The following ULK4 variants were observed in gnomAD, a reference collection of about 807,000 sequenced individuals.
ULK4 encodes inactive serine/threonine-protein kinase ULK4.
In ULK4, 133 loss-of-function variants were observed where a neutral mutation model predicts 160.6. The ratio of observed to expected loss-of-function variants is 0.83; its 90% CI spans 0.72 to 0.96. The LOEUF (loss-of-function observed/expected upper bound fraction) is 0.96, where lower values mean the gene tolerates loss of function less well. Among genes scored for constraint, ULK4 ranks in the 40% least tolerant of loss-of-function variants. The pLI is 0.00. For missense variants in ULK4, 1,580 were observed against 1,499.5 expected (o/e 1.05, Z -0.89); for synonymous variants, 534 against 539.8 (o/e 0.99, Z 0.15).
At chr3:41,862,787 G>A (rs1050379727) in intron 17 of ULK4, among the ~76,000 whole-genome samples, 8 of 106,800 alleles carry the variant, frequency 7.5e-5, no homozygotes, top group African/African-American at 1.8e-4. Context: ...CTCTCTCTCC[G>A]CTCCCCCCCC....
At chr3:41,327,776 T>A (rs575625088) in intron 35 of ULK4, among the ~76,000 whole-genome samples, 1 of 152,114 alleles carries the variant, frequency 6.6e-6, no homozygotes, top group South Asian at 2.1e-4. Context: ...TATAATAGCA[T>A]CAAGGCATAC....
intron 35 of ULK4, among the ~76,000 whole-genome samples, chr3:41,352,231 T>C (rs1243003845): frequency 6.6e-6 from 1 of 152,194 alleles, no homozygotes; most frequent in Admixed American, 6.5e-5. Context: ...AGAGGATGAC[T>C]GGTGCCCCTT....
intron 18 of ULK4, among the ~76,000 whole-genome samples, chr3:41,834,582 C>T (rs1009189989): frequency 6.6e-6 from 1 of 152,184 alleles, no homozygotes; most frequent in African/African-American, 2.4e-5. Context: ...TTTGCTGTAC[C>T]AGCTATCAGT....
chr3:41,434,819 T>A (rs962897127), intron 34 of ULK4, among the ~76,000 whole-genome samples: 1 of 152,230 alleles, frequency 6.6e-6, no homozygotes, highest in Non-Finnish European at 1.5e-5. Flanking sequence ...CTAGTGTTAA[T>A]GGTGAAAGTG....
chr3:41,721,270 T>C lies in ULK4; in HGVS notation c.2322-3409A>G, dbSNP rs1304087366. 3.8e-3 allele frequency among the ~76,000 whole-genome samples: 420 copies of C among 109,714 alleles called. 4 individuals carry two copies. Among genetic ancestry groups the C allele is most frequent in the African/African-American group, 0.016 (409 of 26,380 alleles). 72.0% of individuals were successfully genotyped at this position (109,714 alleles called of 152,430 possible). A position where few individuals can be genotyped will look rare whatever the true frequency, so the allele number is the denominator to read the frequency against. The stretch of plus-strand genomic sequence containing the variant: ...TTCGCTTTGAATTTTTTTTTTTTTT[T>C]TTTTTTTTTTTTTTGGGTTTTGAAC... On this transcript the variant is annotated intron_variant, in intron 22 of 36. Coordinates refer to ENST00000301831, the MANE Select transcript of ULK4 (RefSeq NM_017886.4).
chr3:41,808,340 C>A (rs954074622), intron 19 of ULK4, among the ~76,000 whole-genome samples: 6 of 152,132 alleles, frequency 3.9e-5, no homozygotes, highest in Non-Finnish European at 7.3e-5. Context: ...ATTCCTAGTA[C>A]TAGAAAACCA....
chr3:41,384,259 T>C (rs1161161479), intron 35 of ULK4, among the ~76,000 whole-genome samples: 1 of 151,662 alleles, frequency 6.6e-6, no homozygotes, highest in Non-Finnish European at 1.5e-5. Context: ...TACTCCAGAG[T>C]ATGAGATATT....
At chr3:41,317,522 T>C (rs970634580) in intron 35 of ULK4, among the ~76,000 whole-genome samples, 1 of 152,196 alleles carries the variant, frequency 6.6e-6, no homozygotes, top group African/African-American at 2.4e-5. Flanking sequence ...TTGATAATGA[T>C]AAATGATCTA....
intron 34 of ULK4, among the ~76,000 whole-genome samples, chr3:41,419,855 G>T (rs1200833001): frequency 6.6e-6 from 1 of 151,802 alleles, no homozygotes. Context: ...TCTTCCTGAG[G>T]CCAGGGGTGC....
At chr3:41,771,381 A>T (rs569574861) in intron 21 of ULK4, among the ~76,000 whole-genome samples, 196 of 152,332 alleles carry the variant, frequency 1.3e-3, no homozygotes, top group Admixed American at 2.5e-3. Context: ...GTGTTTTTGT[A>T]ATCAAATACA....
At chr3:41,782,492 C>A (rs984327760) in intron 21 of ULK4, among the ~76,000 whole-genome samples, 2 of 151,974 alleles carry the variant, frequency 1.3e-5, no homozygotes, top group African/African-American at 4.8e-5. Flanking sequence ...AAAAAGAAAA[C>A]CTTAGTTTAC....
At chr3:41,726,299 T>C (rs1266063568) in intron 22 of ULK4, among the ~76,000 whole-genome samples, 1 of 152,192 alleles carries the variant, frequency 6.6e-6, no homozygotes, top group Non-Finnish European at 1.5e-5. Context: ...AAACTAACTC[T>C]AGAATGATGC....
chr3:41,319,364 A>G (rs2125728682), intron 35 of ULK4, among the ~76,000 whole-genome samples: 1 of 152,320 alleles, frequency 6.6e-6, no homozygotes, highest in South Asian at 2.1e-4. Context: ...TCAATGGCTC[A>G]AAAAGGCTAA....
chr3:41,757,911 G>A (rs1418705334), intron 21 of ULK4, among the ~76,000 whole-genome samples: 3 of 152,078 alleles, frequency 2.0e-5, no homozygotes, highest in Non-Finnish European at 4.4e-5. Context: ...ACAGGCGTGA[G>A]CCACCATGCC....
chr3:41,741,954 A>C (rs1030400110), intron 22 of ULK4, among the ~76,000 whole-genome samples: 2 of 151,768 alleles, frequency 1.3e-5, no homozygotes, highest in Non-Finnish European at 2.9e-5. Context: ...CCAACCCAGA[A>C]CTGTCCCCCC....
chr3:41,551,102 C>T (rs1173247445), intron 32 of ULK4, among the ~76,000 whole-genome samples: 1 of 151,542 alleles, frequency 6.6e-6, no homozygotes, highest in African/African-American at 2.4e-5. Context: ...AATTGAAATA[C>T]AACACACCAA....
At chr3:41,844,486 C>A (rs1484632752) in intron 17 of ULK4, among the ~76,000 whole-genome samples, 1 of 152,186 alleles carries the variant, frequency 6.6e-6, no homozygotes, top group Non-Finnish European at 1.5e-5. Flanking sequence ...CCCATGCCCA[C>A]CCAGAACTCC....
At chr3:41,650,369 G>A (rs2034689877) in intron 30 of ULK4, among the ~76,000 whole-genome samples, 1 of 152,168 alleles carries the variant, frequency 6.6e-6, no homozygotes, top group African/African-American at 2.4e-5. Flanking sequence ...AAGGAGCCCA[G>A]ACCCAGACCT....
intron 17 of ULK4, among the ~76,000 whole-genome samples, chr3:41,869,436 C>G (rs1575857500): frequency 6.6e-6 from 1 of 151,980 alleles, no homozygotes; most frequent in South Asian, 2.1e-4. Context: ...AAAAAATTAG[C>G]CGGGCATGGT....
Sources: gnomAD v4.1 joint callset for allele counts (sites outside exome capture counted in the v4.1 genomes callset) on GRCh38, gnomAD v4.1.1 for gene constraint, MANE v1.5 for transcripts, NCBI Gene and HGNC (gene_info 2026-07-23, HGNC 2026-07-21) for gene names.